CTIF: variants seen among roughly 807,000 people sequenced by gnomAD.
The protein encoded by CTIF is cap binding complex dependent translation initiation factor.
A neutral mutation model predicts 66.0 loss-of-function variants in CTIF; 21 were observed. The ratio of observed to expected loss-of-function variants is 0.32; its 90% confidence interval spans 0.23 to 0.46. The LOEUF (loss-of-function observed/expected upper bound fraction) is 0.46, where lower values mean the gene tolerates loss of function less well. Among genes scored for constraint, CTIF ranks in the 20% least tolerant of loss-of-function variants. The probability of loss-of-function intolerance (pLI) is 1.00; values close to 1 mark genes in which losing one functional copy is unlikely to be tolerated. For missense variants in CTIF, 739 were observed against 812.7 expected (o/e 0.91, Z 1.10); for synonymous variants, 345 against 326.4 (o/e 1.06, Z -0.62).
chr18:48,697,984 C>T (rs1340796879), intron 6 of CTIF, among the ~76,000 whole-genome samples: 1 of 151,314 alleles, frequency 6.6e-6, no homozygotes, highest in Non-Finnish European at 1.5e-5. Context: ...CTGGCTCATG[C>T]ACTCTGGCCT....
chr18:48,840,866 C>T (rs994874321), intron 10 of CTIF, among the ~76,000 whole-genome samples: 4 of 136,312 alleles, frequency 2.9e-5, no homozygotes, highest in African/African-American at 1.1e-4. Flanking sequence ...CTTCACTCCA[C>T]CCCCACCCCC....
At chr18:48,545,801 C>G (rs986896000) in intron 1 of CTIF, among the ~76,000 whole-genome samples, 1 of 152,136 alleles carries the variant, frequency 6.6e-6, no homozygotes, top group Non-Finnish European at 1.5e-5. Flanking sequence ...GGCCACTGAG[C>G]GTAACCACGG....
rs78345180 is a variant in CTIF at position 48,616,053 on chromosome 18, T to G, written c.-28-3485T>G. Among the ~76,000 whole-genome samples the G allele has an allele frequency of 1.9e-3, 295 of 152,248 alleles. 2 individuals carry two copies. In the East Asian group the frequency reaches 0.029, roughly 15 times the overall value. On this transcript the variant is annotated intron_variant, in intron 1 of 11. Transcript: ENST00000256413. ...CAGCCCTGAGACACTCGGGCATGTTTGGGAGAGCCCCGCAGAGCCGGCCAG... is the reference window on the plus strand; with the variant it reads ...CAGCCCTGAGACACTCGGGCATGTTGGGGAGAGCCCCGCAGAGCCGGCCAG...
intron 6 of CTIF, among the ~76,000 whole-genome samples, chr18:48,684,921 G>A (rs59874462): frequency 0.099 from 15,066 of 152,058 alleles, 1,956 homozygotes; most frequent in African/African-American, 0.3. Flanking sequence ...CAGGAAATTA[G>A]CATTGACAGA....
chr18:48,756,965 A>G (rs1477173943), intron 7 of CTIF, among the ~76,000 whole-genome samples: 1 of 152,184 alleles, frequency 6.6e-6, no homozygotes, highest in East Asian at 1.9e-4. Context: ...TGCATAAACA[A>G]GAGGCATTTT....
chr18:48,765,107 A>C (rs1232094932), intron 9 of CTIF, among the ~76,000 whole-genome samples: 2 of 152,230 alleles, frequency 1.3e-5, no homozygotes, highest in Non-Finnish European at 2.9e-5. Context: ...AAGAAAAGAA[A>C]GCGATGGGCT....
chr18:48,594,596 C>T (rs1013240671), intron 1 of CTIF, among the ~76,000 whole-genome samples: 3 of 152,146 alleles, frequency 2.0e-5, no homozygotes, highest in African/African-American at 4.8e-5. Context: ...CCCTCCATCC[C>T]GGCCTCTGCC....
At chr18:48,716,172 C>A (rs1472824201) in intron 7 of CTIF, among the ~76,000 whole-genome samples, 7 of 152,208 alleles carry the variant, frequency 4.6e-5, no homozygotes, top group African/African-American at 1.4e-4. Context: ...TTGGGCTGTA[C>A]CCTGTGCCAT....
At chr18:48,730,316 TGCG>T (rs1568171045) in intron 7 of CTIF, among the ~76,000 whole-genome samples, 2 of 109,938 alleles carry the variant, frequency 1.8e-5, no homozygotes, top group Admixed American at 8.8e-5. Flanking sequence ...GAGGGGCTTC[TGCG>T]GTGTGAGGGG....
chr18:48,750,432 G>T (rs536839857), intron 7 of CTIF, among the ~76,000 whole-genome samples: 1 of 152,240 alleles, frequency 6.6e-6, no homozygotes, highest in East Asian at 1.9e-4. Context: ...CTGTGCTGCC[G>T]CAAGATGGAG....
chr18:48,848,854 G>C (rs1205619114), intron 10 of CTIF, among the ~76,000 whole-genome samples: 1 of 152,250 alleles, frequency 6.6e-6, no homozygotes, highest in African/African-American at 2.4e-5. Context: ...GATATGATGG[G>C]CGTGCCCACA....
At chr18:48,752,533 C>T (rs1185451216) in intron 7 of CTIF, among the ~76,000 whole-genome samples, 3 of 152,184 alleles carry the variant, frequency 2.0e-5, no homozygotes, top group Admixed American at 6.5e-5. Flanking sequence ...ACTAGCGGGG[C>T]GACCCTAGAA....
intron 7 of CTIF, among the ~76,000 whole-genome samples, chr18:48,713,966 C>T (rs2092254728): frequency 6.6e-6 from 1 of 152,250 alleles, no homozygotes; most frequent in Admixed American, 6.5e-5. Context: ...CCGTTACTCA[C>T]TCACAGCCTG....
At chr18:48,540,085 G>C (rs1421952380) in intron 1 of CTIF, 4 of 152,176 alleles carry the variant, frequency 2.6e-5, no homozygotes, top group Non-Finnish European at 4.4e-5. Flanking sequence ...CGGGGGGAGC[G>C]GGGGATGGGA....
intron 1 of CTIF, among the ~76,000 whole-genome samples, chr18:48,551,187 A>G (rs1282768450): frequency 6.6e-6 from 1 of 151,380 alleles, no homozygotes; most frequent in Non-Finnish European, 1.5e-5. Flanking sequence ...TGGGGTCAAC[A>G]GTGTGAGGAT....
At chr18:48,704,024 G>A (rs1479119800) in intron 6 of CTIF, among the ~76,000 whole-genome samples, 1 of 152,200 alleles carries the variant, frequency 6.6e-6, no homozygotes, top group African/African-American at 2.4e-5. Context: ...GGGACTGCCT[G>A]TCTCTGAGTA....
At chr18:48,563,254 A>G (rs141575711) in intron 1 of CTIF, among the ~76,000 whole-genome samples, 106 of 152,314 alleles carry the variant, frequency 7.0e-4, no homozygotes, top group African/African-American at 2.5e-3. Flanking sequence ...AAACTGTACT[A>G]GGAGCAGGAA....
chr18:48,669,341 C>G (rs1266041390), intron 5 of CTIF, among the ~76,000 whole-genome samples: 1 of 152,136 alleles, frequency 6.6e-6, no homozygotes, highest in Non-Finnish European at 1.5e-5. Context: ...ATTCCTCAGT[C>G]AATACCAGTA....
At chr18:48,821,435 C>G (rs11874255) in intron 10 of CTIF, among the ~76,000 whole-genome samples, 5,778 of 152,348 alleles carry the variant, frequency 0.038, 384 homozygotes, top group African/African-American at 0.13. Context: ...AGCCACCAAG[C>G]GGTAGAATCA....
Sources: allele counts gnomAD v4.1 joint callset (sites outside exome capture counted in the v4.1 genomes callset), GRCh38; gene constraint gnomAD v4.1.1; transcripts MANE v1.5; gene names NCBI Gene and HGNC (gene_info 2026-07-23, HGNC 2026-07-21).